Variants in CNTN6 observed in about 807,000 individuals in gnomAD.
CNTN6 encodes the protein contactin-6.
In CNTN6, 137 loss-of-function variants were observed where a neutral mutation model predicts 122.8. That is an observed-to-expected ratio of 1.12 (90% CI 0.97 to 1.29). The LOEUF is 1.29. CNTN6 is among the 50% of genes most tolerant of loss of function. CNTN6 has a pLI of 0.00. For synonymous variants in CNTN6, 570 were observed against 426.0 expected (o/e 1.34, Z -4.16); for missense variants, 1,634 against 1,223.4 (o/e 1.34, Z -5.01).
intron 4 of CNTN6, among the ~76,000 whole-genome samples, chr3:1,271,043 AT>A (rs1261634542): frequency 2.0e-5 from 3 of 151,924 alleles, no homozygotes; most frequent in African/African-American, 7.3e-5. Flanking sequence ...ACATTAGACT[AT>A]TTTTTATATT....
chr3:1,250,322 T>A (rs1377018182), intron 4 of CNTN6, among the ~76,000 whole-genome samples: 1 of 152,152 alleles, frequency 6.6e-6, no homozygotes, highest in Non-Finnish European at 1.5e-5. Context: ...AAGAAGCATC[T>A]CACTTCTACC....
At chr3:1,216,053 C>G (rs2094126134) in intron 2 of CNTN6, among the ~76,000 whole-genome samples, 2 of 152,068 alleles carry the variant, frequency 1.3e-5, no homozygotes, top group African/African-American at 4.8e-5. Context: ...TAGCACTTTT[C>G]TAATGGGCTT....
chr3:1,131,447 A>G (rs2130276), intron 1 of CNTN6, among the ~76,000 whole-genome samples: 13,768 of 152,040 alleles, frequency 0.091, 704 homozygotes, highest in African/African-American at 0.13. Flanking sequence ...TAATGGGAGT[A>G]TGAGTGTTCA....
chr3:1,262,488 T>C (rs751247786), intron 4 of CNTN6, among the ~76,000 whole-genome samples: 3 of 152,186 alleles, frequency 2.0e-5, no homozygotes, highest in Non-Finnish European at 2.9e-5. Flanking sequence ...TTTGTTGGTC[T>C]AAGATTTCTC....
intron 4 of CNTN6, among the ~76,000 whole-genome samples, chr3:1,278,158 T>C (rs1225796111): frequency 6.6e-6 from 1 of 152,210 alleles, no homozygotes; most frequent in Non-Finnish European, 1.5e-5. Context: ...GGCTACACTG[T>C]CTGGAAGAAT....
At chr3:1,180,203 G>A (rs1290349752) in intron 2 of CNTN6, among the ~76,000 whole-genome samples, 1 of 152,148 alleles carries the variant, frequency 6.6e-6, no homozygotes, top group Non-Finnish European at 1.5e-5. Context: ...GTAAATGAAA[G>A]AGAAGGAGAA....
intron 5 of CNTN6, among the ~76,000 whole-genome samples, chr3:1,295,349 C>T (rs569194028): frequency 6.6e-6 from 1 of 152,064 alleles, no homozygotes; most frequent in Non-Finnish European, 1.5e-5. Context: ...TCCATAACAT[C>T]CTATTGTTAT....
Position 1,220,707 on chromosome 3 carries a change from C to G in CNTN6, c.76C>G (p.Pro26Ala). 1.2e-6 allele frequency: 2 copies of G among 1,611,344 alleles called. No homozygotes were observed. The highest frequency in any genetic ancestry group is 1.7e-6 in the Non-Finnish European group (2 of 1,178,876). The part of the protein sequence containing the change: ...SSAGDGLLSR[P>A]IFTQEPHDVI... ...CCCAGGTGATGGTCTTTTAAGCCGT[C>G]CTATTTTTACTCAGGAGCCACATGA... Residue 26 changes from proline (P) to alanine (A), a missense_variant, in exon 3 of 23, where the codon CCT becomes GCT. By Grantham distance (27) the Pro-to-Ala change is conservative. Coordinates refer to ENST00000446702, the MANE Select transcript of CNTN6 (RefSeq NM_001289080.2).
intron 2 of CNTN6, among the ~76,000 whole-genome samples, chr3:1,199,886 CAAAT>C (rs1228309958): frequency 2.6e-5 from 4 of 151,996 alleles, no homozygotes; most frequent in African/African-American, 7.3e-5. Flanking sequence ...CCAAAAGAAA[CAAAT>C]AAAATAAACA....
At chr3:1,247,285 A>G (rs2094595720) in intron 4 of CNTN6, among the ~76,000 whole-genome samples, 1 of 152,188 alleles carries the variant, frequency 6.6e-6, no homozygotes, top group Non-Finnish European at 1.5e-5. Flanking sequence ...TTGCTGTTCT[A>G]CAGTGCCATT....
intron 4 of CNTN6, among the ~76,000 whole-genome samples, chr3:1,268,580 C>G (rs1423059850): frequency 1.6e-5 from 2 of 126,724 alleles, no homozygotes; most frequent in Non-Finnish European, 3.2e-5. Context: ...GCACTCCAGC[C>G]TGGGCGACAG....
chr3:1,219,431 C>A (rs2094175164), intron 2 of CNTN6, among the ~76,000 whole-genome samples: 1 of 152,056 alleles, frequency 6.6e-6, no homozygotes, highest in Admixed American at 6.5e-5. Context: ...GATCAGTGTA[C>A]TTGCTGGCTG....
At chr3:1,251,747 G>A (rs2094673874) in intron 4 of CNTN6, among the ~76,000 whole-genome samples, 1 of 151,980 alleles carries the variant, frequency 6.6e-6, no homozygotes. Context: ...GCCCTCTGTA[G>A]GTGGAAAAAA....
At chr3:1,095,242 G>A (rs2090461508) in intron 1 of CNTN6, among the ~76,000 whole-genome samples, 2 of 152,046 alleles carry the variant, frequency 1.3e-5, no homozygotes, top group African/African-American at 4.8e-5. Context: ...GGAGGCCGAG[G>A]CGGGCGGATC....
intron 2 of CNTN6, among the ~76,000 whole-genome samples, chr3:1,214,250 T>G (rs1008327348): frequency 6.6e-6 from 1 of 151,576 alleles, no homozygotes; most frequent in Non-Finnish European, 1.5e-5. Flanking sequence ...ATTAGCTTTT[T>G]TATATTAGTT....
chr3:1,155,067 G>A (rs1260378245), intron 2 of CNTN6, among the ~76,000 whole-genome samples: 1 of 152,026 alleles, frequency 6.6e-6, no homozygotes, highest in African/African-American at 2.4e-5. Context: ...CGTTCCCTTA[G>A]GACCTTGTCT....
chr3:1,258,643 T>C (rs1470552546), intron 4 of CNTN6, among the ~76,000 whole-genome samples: 1 of 152,110 alleles, frequency 6.6e-6, no homozygotes, highest in Admixed American at 6.6e-5. Flanking sequence ...TCATGGCTGT[T>C]TAAAAGTCAA....
At chr3:1,361,330 A>C (rs1331384860) in intron 12 of CNTN6, among the ~76,000 whole-genome samples, 1 of 152,146 alleles carries the variant, frequency 6.6e-6, no homozygotes, top group Non-Finnish European at 1.5e-5. Flanking sequence ...CAATGTTGCT[A>C]TTAAAATATA....
rs116362418 is a variant in CNTN6 at position 1,360,025 on chromosome 3, A to G, written c.1492+7574A>G. ...CTAACTCCATGCCTTTCTGTTTCTT[A>G]ACATACTCCTTCACTTTGGTTGATT... On this transcript the variant is annotated intron_variant, in intron 12 of 22. Transcript: ENST00000446702. Among the ~76,000 whole-genome samples, 639 of 152,188 alleles carry G rather than the reference A, an allele frequency of 4.2e-3. 6 individuals carry two copies. The highest frequency in any genetic ancestry group is 0.014 in the African/African-American group (591 of 41,538).
Sources: gnomAD v4.1 joint callset for allele counts (sites outside exome capture counted in the v4.1 genomes callset) on GRCh38, gnomAD v4.1.1 for gene constraint, MANE v1.5 for transcripts, NCBI Gene and HGNC (gene_info 2026-07-23, HGNC 2026-07-21) for gene names.